Variants in PARP10 observed in about 807,000 individuals in gnomAD.
PARP10 encodes the protein poly(ADP-ribose) polymerase family member 10, also known as protein mono-ADP-ribosyltransferase PARP10.
In PARP10, 56 loss-of-function variants were observed where a neutral mutation model predicts 82.4. That is an observed-to-expected ratio of 0.68 (90% CI 0.55 to 0.85). PARP10 has a LOEUF of 0.85. PARP10 is among the 40% of genes least tolerant of loss of function. The pLI is 0.00. For synonymous variants in PARP10, 576 were observed against 601.1 expected (o/e 0.96, Z 0.61); for missense variants, 1,227 against 1,379.4 (o/e 0.89, Z 1.75).
At chr8:143,980,318 T>TAAAAAAAAAAAA (rs1564247548) in intron 9 of PARP10, among the ~76,000 whole-genome samples, 80 of 15,672 alleles carry the variant, frequency 5.1e-3, no homozygotes, top group African/African-American at 9.9e-3. Context: ...AGATTCCGTC[T>TAAAAAAAAAAAA]CAAAAAAAAA....
upstream of PARP10, chr8:143,992,140 T>G (rs1554750625): frequency 6.2e-7 from 1 of 1,603,182 alleles, no homozygotes; most frequent in Non-Finnish European, 8.5e-7. Context: ...ACGCCCACTC[T>G]TCCGGGCCTG....
chr8:143,991,850 G>A (rs372602998), upstream of PARP10: 24 of 1,609,988 alleles, frequency 1.5e-5, no homozygotes, highest in African/African-American at 5.3e-5. Flanking sequence ...GGCTCCCAGC[G>A]GATGACTCTG....
chr8:144,004,126 A>G (rs1422906023), intron 1 of PARP10, among the ~76,000 whole-genome samples: 6 of 152,114 alleles, frequency 3.9e-5, no homozygotes, highest in African/African-American at 1.4e-4. Context: ...CAGCCTGAGC[A>G]ATATAATGAG....
chr8:143,994,451 C>T (rs756408859), upstream of PARP10, among the ~76,000 whole-genome samples: 152 of 152,250 alleles, frequency 1.0e-3, 1 homozygote, highest in Non-Finnish European at 1.8e-3. Flanking sequence ...CACTACCCGC[C>T]TGCCTAAAAC....
rs1834282472 is a variant in PARP10 at position 144,011,488 on chromosome 8, C to T, written c.-80+1042G>A. On this transcript the variant is annotated intron_variant, in intron 1 of 3. Transcript: ENST00000530478. The surrounding 1 kb of genome is among the most constrained non-coding windows in gnomAD (Gnocchi z 4.5). ...CCAGGAGTCTGTCCTCTGGCCTGTA[C>T]CTGGACTTCGCTATCCTCTCCCTGC... Among the ~76,000 whole-genome samples the T allele has an allele frequency of 6.6e-6, 1 of 152,162 alleles. No individual in the cohort carries two copies. The highest frequency in any genetic ancestry group is 6.5e-5 in the Admixed American group (1 of 15,274).
rs571587981 is a variant in PARP10 at position 143,985,463 on chromosome 8, G to A, written c.622C>T (p.Gln208Ter). 2.5e-6 allele frequency: 4 copies of A among 1,612,992 alleles called. No individual in the cohort carries two copies. The highest frequency in any genetic ancestry group is 1.7e-5 in the Admixed American group (1 of 59,852). ...GTGCCCAGGGGCCCGGGTAGGCGTT[G>A]CAGGTCCTCCAGGGGCCCCCCACCA... ...RSGGGPLEDL[Q>*]RLPGPLGTVA... The change falls in exon 4 of 11, where the codon CAA becomes TAA. Residue 208 changes from glutamine to a stop codon, truncating the protein, a stop_gained. Coordinates refer to ENST00000313028, the MANE Select transcript of PARP10 (RefSeq NM_032789.5). LOFTEE classifies it high-confidence loss of function.
At position 143,983,049 on chromosome 8, in the gene PARP10, C is replaced by A; in HGVS notation, c.2439G>T (p.Leu813=). 6.2e-7 allele frequency: 1 copy of A among 1,613,580 alleles called. No homozygotes were observed. The highest frequency in any genetic ancestry group is 8.5e-7 in the Non-Finnish European group (1 of 1,179,810). The change falls in exon 9 of 11, where the codon CTG becomes CTT. Residue 813 remains leucine (L), a synonymous_variant. Transcript: ENST00000313028. ...ASGPTLAGQT[L]KGPWNNLERL... ...GCTCCAGGTTGTTCCAGGGCCCCTT[C>A]AGCGTCTGCCCCGCCACTGATGCAT...
chr8:143,983,888 T>A, intron 7 of PARP10, 77 bp from the exon 8 acceptor site: 1 of 1,512,112 alleles, frequency 6.6e-7, no homozygotes, highest in Admixed American at 2.2e-5. Flanking sequence ...GGGGAGCAAG[T>A]TTTTAGGGTA....
chr8:143,984,396 C>T lies in PARP10; in HGVS notation c.1494G>A (p.Glu498=), dbSNP rs1833935802. The T allele has an allele frequency of 1.2e-6, 2 of 1,611,802 alleles. No individual in the cohort carries two copies. Among genetic ancestry groups the T allele is most frequent in the East Asian group, 4.5e-5 (2 of 44,844 alleles). Residue 498 remains glutamate (E), a synonymous_variant, in exon 6 of 11, where the codon GAG becomes GAA. Coordinates refer to ENST00000313028, the MANE Select transcript of PARP10 (RefSeq NM_032789.5). ...CGAQASCQAA[E]EFLRSLLGSI... The stretch of plus-strand genomic sequence containing the variant: ...TGCCCAGCAGGCTCCGCAGAAACTC[C>T]TCAGCCGCCTGGCAGGAAGCCTGGG...
chr8:144,012,728 T>C, exon 1 of PARP10: 1 of 1,551,456 alleles, frequency 6.4e-7, no homozygotes, highest in East Asian at 2.4e-5. Context: ...AGAACAATGG[T>C]AAGAGGCCTC....
intron 1 of PARP10, among the ~76,000 whole-genome samples, chr8:144,005,562 A>G (rs1554752033): frequency 6.6e-6 from 1 of 152,100 alleles, no homozygotes; most frequent in African/African-American, 2.4e-5. Flanking sequence ...TAGCCTTTCC[A>G]TGTCACTGAA....
At position 143,984,000 on chromosome 8, in the gene PARP10, A is replaced by T. The variant is rs1554748478; in HGVS notation, c.1777+8T>A. On this transcript the variant is annotated splice_region_variant and intron_variant, in intron 7 of 10. Coordinates refer to ENST00000313028, the MANE Select transcript of PARP10 (RefSeq NM_032789.5). ...CAGGATGTGCTGAGGGCTCCCAGGG[A>T]GCCCTACCCAGGCTCACGTCCTCCT... 2 of 1,511,574 alleles carry T rather than the reference A, an allele frequency of 1.3e-6. No individual in the cohort carries two copies. The highest frequency in any genetic ancestry group is 1.3e-5 in the South Asian group (1 of 74,362). 93.6% of individuals were successfully genotyped at this position (1,511,574 alleles called of 1,614,324 possible).
At chr8:143,986,276 C>T (rs782445903) in intron 1 of PARP10, 43 bp from the exon 2 acceptor site, 3 of 1,613,062 alleles carry the variant, frequency 1.9e-6, no homozygotes, top group African/African-American at 1.3e-5. Context: ...GCCCATTCCA[C>T]CCCTCCTGCC....
At chr8:143,998,038 C>G (rs561102092) in intron 1 of PARP10, among the ~76,000 whole-genome samples, 1 of 152,216 alleles carries the variant, frequency 6.6e-6, no homozygotes, top group Non-Finnish European at 1.5e-5. Flanking sequence ...AGCGATCCTC[C>G]CAACTTGGCC....
chr8:143,994,406 G>T (rs570598417), upstream of PARP10, among the ~76,000 whole-genome samples: 2 of 152,164 alleles, frequency 1.3e-5, no homozygotes, highest in South Asian at 4.2e-4. Flanking sequence ...CAGGACCCTA[G>T]CGGTGTGTTT....
intron 9 of PARP10, among the ~76,000 whole-genome samples, chr8:143,981,321 G>A (rs1336344216): frequency 2.4e-5 from 3 of 124,492 alleles, no homozygotes; most frequent in African/African-American, 9.2e-5. Flanking sequence ...GGTGGTGATG[G>A]TGGTGACGAC....
chr8:144,004,336 G>T (rs1554751919), intron 1 of PARP10, among the ~76,000 whole-genome samples: 2 of 152,144 alleles, frequency 1.3e-5, no homozygotes, highest in African/African-American at 4.8e-5. Flanking sequence ...GGCCAGGACT[G>T]CGGGGAGGGG....
In PARP10 at chr8:144,011,386, G is replaced by A. The variant is rs566950913; in HGVS notation, c.-80+1144C>T. ...GGTGGGGGTAGGCCCCCCATTGTGA[G>A]GTCCAGGCAGAATGCTCAACTCACA... On this transcript the variant is annotated intron_variant, in intron 1 of 3. Transcript: ENST00000530478. The surrounding 1 kb of genome is among the most constrained non-coding windows in gnomAD (Gnocchi z 4.5). Among the ~76,000 whole-genome samples, 2 of 152,086 alleles carry A rather than the reference G, an allele frequency of 1.3e-5. No individual in the cohort carries two copies. The highest frequency in any genetic ancestry group is 2.9e-5 in the Non-Finnish European group (2 of 68,004).
intron 1 of PARP10, among the ~76,000 whole-genome samples, chr8:144,005,103 C>G (rs565680934): frequency 3.3e-5 from 5 of 150,688 alleles, no homozygotes; most frequent in African/African-American, 1.2e-4. Flanking sequence ...CACTTGAGCC[C>G]GGGAGGCAGA....
Sources: allele counts gnomAD v4.1 joint callset (sites outside exome capture counted in the v4.1 genomes callset), GRCh38; gene constraint gnomAD v4.1.1; non-coding constraint Gnocchi (gnomAD v3.1); transcripts MANE v1.5; gene names NCBI Gene and HGNC (gene_info 2026-07-23, HGNC 2026-07-21).